Variants in PRIM2 observed in about 807,000 individuals in gnomAD.
PRIM2 encodes the protein DNA primase subunit 2.
Under a neutral mutation model 67.3 loss-of-function variants are expected in PRIM2, and 39 were observed. The observed-to-expected ratio is 0.58, with a 90% confidence interval of 0.45 to 0.76. PRIM2 has a LOEUF of 0.76. Ranked by LOEUF, PRIM2 falls within the 30% of genes least tolerant of loss-of-function variation. The probability of loss-of-function intolerance (pLI) is 0.00; values close to 1 mark genes in which losing one functional copy is unlikely to be tolerated. For synonymous variants in PRIM2, 143 were observed against 198.7 expected, an observed-to-expected ratio of 0.72 and a Z score of 2.36; for missense variants, 398 against 598.7, an observed-to-expected ratio of 0.66 and a Z score of 3.50.
chr6:57,474,205 A>AGTCTC (rs1299897440), intron 7 of PRIM2, among the ~76,000 whole-genome samples: 4 of 29,948 alleles, frequency 1.3e-4, no homozygotes, highest in Admixed American at 4.5e-4. Flanking sequence ...TTTTTTTTTG[A>AGTCTC]GCTCTGTCAC....
intron 7 of PRIM2, among the ~76,000 whole-genome samples, chr6:57,415,441 A>C (rs1771228507): frequency 6.6e-6 from 1 of 152,208 alleles, no homozygotes; most frequent in African/African-American, 2.4e-5. Context: ...TTTAAAAAAC[A>C]ATGTACATAC....
At chr6:57,296,273 TTAGC>T in the PRIM2 span, among the ~76,000 whole-genome samples, 9,508 of 152,210 alleles carry the variant, frequency 0.062, 315 homozygotes, top group Non-Finnish European at 0.078. Flanking sequence ...ATATTGTACT[TTAGC>T]TAGTAAGTTT....
chr6:57,602,645 C>T (rs1776491728), intron 11 of PRIM2, among the ~76,000 whole-genome samples: 2 of 152,138 alleles, frequency 1.3e-5, no homozygotes, highest in African/African-American at 4.8e-5. Context: ...CAGGTTCTAG[C>T]ATTTGTCTCT....
the PRIM2 span, among the ~76,000 whole-genome samples, chr6:57,272,235 G>A: frequency 1.3e-5 from 2 of 152,270 alleles, no homozygotes; most frequent in East Asian, 1.9e-4. Context: ...GGGTGTTAAA[G>A]TCTCCCATTA....
At chr6:57,400,097 T>C (rs1770654403) in intron 7 of PRIM2, among the ~76,000 whole-genome samples, 1 of 152,418 alleles carries the variant, frequency 6.6e-6, no homozygotes, top group South Asian at 2.1e-4. Context: ...TGTAGTCCAT[T>C]TACATTAAAT....
At chr6:57,618,884 A>G (rs2127496395) in intron 12 of PRIM2, among the ~76,000 whole-genome samples, 1 of 151,250 alleles carries the variant, frequency 6.6e-6, no homozygotes, top group Admixed American at 6.6e-5. Context: ...TGGGAATTCT[A>G]GGGCCCCACC....
chr6:57,326,540 G>A (rs2127276567), intron 5 of PRIM2, among the ~76,000 whole-genome samples: 1 of 152,166 alleles, frequency 6.6e-6, no homozygotes, highest in South Asian at 2.1e-4. Flanking sequence ...GACCAACATA[G>A]TGAAACCCCC....
At chr6:57,484,120 A>G (rs1163109265) in intron 7 of PRIM2, among the ~76,000 whole-genome samples, 6 of 152,228 alleles carry the variant, frequency 3.9e-5, no homozygotes, top group Non-Finnish European at 7.3e-5. Context: ...GTTACTATGT[A>G]TAGCTAAAAT....
At chr6:57,379,095 CTG>C (rs1769870400) in intron 5 of PRIM2, among the ~76,000 whole-genome samples, 1 of 123,182 alleles carries the variant, frequency 8.1e-6, no homozygotes. Flanking sequence ...TGTCCTAACA[CTG>C]TGTATTCTAA....
intron 2 of PRIM2, 152 bp downstream of exon 2, chr6:57,318,751 C>T (rs1465097462): frequency 9.1e-6 from 2 of 219,636 alleles, no homozygotes; most frequent in African/African-American, 4.7e-5. Flanking sequence ...GCAATCCATT[C>T]AACAAATATT....
At chr6:57,339,431 C>A (rs1244085369) in intron 5 of PRIM2, among the ~76,000 whole-genome samples, 2 of 152,060 alleles carry the variant, frequency 1.3e-5, no homozygotes, top group Admixed American at 1.3e-4. Flanking sequence ...AAGCTGGAGG[C>A]AGCACACTAC....
At chr6:57,420,304 A>G (rs1048577407) in intron 7 of PRIM2, among the ~76,000 whole-genome samples, 2 of 151,954 alleles carry the variant, frequency 1.3e-5, no homozygotes, top group African/African-American at 4.8e-5. Flanking sequence ...GGGGTTCAAG[A>G]CCAATGTGAC....
chr6:57,314,069 T>C (rs561685909), upstream of PRIM2, among the ~76,000 whole-genome samples: 8 of 152,320 alleles, frequency 5.3e-5, no homozygotes, highest in African/African-American at 1.9e-4. Context: ...CAGGCTAAAC[T>C]AGGAAGCCAA....
At chr6:57,408,807 C>T (rs1458214586) in intron 7 of PRIM2, among the ~76,000 whole-genome samples, 1 of 151,734 alleles carries the variant, frequency 6.6e-6, no homozygotes, top group East Asian at 1.9e-4. Flanking sequence ...GATCTCCTGG[C>T]TCATGGGACC....
At chr6:57,622,671 T>A (rs1323368336) in intron 12 of PRIM2, among the ~76,000 whole-genome samples, 1 of 152,308 alleles carries the variant, frequency 6.6e-6, no homozygotes, top group South Asian at 2.1e-4. Flanking sequence ...AATGATTTTT[T>A]AAACAAATCT....
intron 7 of PRIM2, among the ~76,000 whole-genome samples, chr6:57,391,950 TA>T (rs1770363227): frequency 6.6e-6 from 1 of 152,210 alleles, no homozygotes; most frequent in African/African-American, 2.4e-5. Context: ...CTGAATTATA[TA>T]AATTGCTTTG....
the PRIM2 span, among the ~76,000 whole-genome samples, chr6:57,307,594 A>C: frequency 2.0e-5 from 3 of 152,126 alleles, no homozygotes; most frequent in Non-Finnish European, 4.4e-5. Flanking sequence ...GGGAACCACA[A>C]TGGATAGATA....
intron 7 of PRIM2, among the ~76,000 whole-genome samples, chr6:57,464,371 A>C (rs1346044091): frequency 6.6e-6 from 1 of 151,546 alleles, no homozygotes; most frequent in Non-Finnish European, 1.5e-5. Context: ...TCCGTCTCCC[A>C]GGTTCAAGTG....
chr6:57,225,818 G>A, the PRIM2 span, among the ~76,000 whole-genome samples: 6 of 152,160 alleles, frequency 3.9e-5, no homozygotes, highest in Non-Finnish European at 8.8e-5. Context: ...ATATACATAT[G>A]AATGCATATG....
Sources: gnomAD v4.1 joint callset for allele counts (sites outside exome capture counted in the v4.1 genomes callset) on GRCh38, gnomAD v4.1.1 for gene constraint, MANE v1.5 for transcripts, NCBI Gene and HGNC (gene_info 2026-07-23, HGNC 2026-07-21) for gene names.